SYNE2: variants seen among roughly 807,000 people sequenced by gnomAD.
The protein encoded by SYNE2 is spectrin repeat containing nuclear envelope protein 2.
SYNE2 carries 431 observed loss-of-function variants against 856.3 expected under a neutral mutation model. The ratio of observed to expected loss-of-function variants is 0.50; its 90% confidence interval spans 0.47 to 0.55. SYNE2 has a LOEUF of 0.55. SYNE2 is among the 20% of genes least tolerant of loss of function. SYNE2 has a pLI of 0.00. For missense variants in SYNE2, 8,129 were observed against 8,023.2 expected, an observed-to-expected ratio of 1.01 and a Z score of -0.50; for synonymous variants, 2,923 against 2,872.3, an observed-to-expected ratio of 1.02 and a Z score of -0.56.
chr14:64,137,647 G>T, intron 78 of SYNE2, 140 bp from the exon 79 acceptor site: 1 of 871,538 alleles, frequency 1.1e-6, no homozygotes, highest in Non-Finnish European at 1.8e-6. Flanking sequence ...CATCCAGTCA[G>T]ACTATATAGT....
intron 1 of SYNE2, among the ~76,000 whole-genome samples, chr14:63,787,893 C>G (rs1177492020): frequency 6.6e-6 from 1 of 152,190 alleles, no homozygotes; most frequent in African/African-American, 2.4e-5. Context: ...TGCCCAGGAG[C>G]CTGTCTGCAT....
At chr14:63,979,105 T>G in intron 14 of SYNE2, 91 bp downstream of exon 14, 2 of 1,368,904 alleles carry the variant, frequency 1.5e-6, no homozygotes, top group Non-Finnish European at 2.1e-6. Flanking sequence ...CATTAACTCT[T>G]CGGGTTTTGA....
rs1373665668 is a variant in SYNE2 at position 64,119,409 on chromosome 14, A to G, written c.12841-18A>G. On this transcript the variant is annotated intron_variant, in intron 66 of 115. Transcript: ENST00000555002. ...TCAAGAACAACATTATGAATAATTAAATGCTTTTATTTCCTAGGCTATGCT... is the reference window on the plus strand; with the variant it reads ...TCAAGAACAACATTATGAATAATTAGATGCTTTTATTTCCTAGGCTATGCT... The G allele has an allele frequency of 6.2e-7, 1 of 1,613,950 alleles. No individual in the cohort carries two copies. Among genetic ancestry groups the G allele is most frequent in the Admixed American group, 1.7e-5 (1 of 60,018 alleles).
intron 1 of SYNE2, among the ~76,000 whole-genome samples, chr14:63,823,958 C>G (rs1037842831): frequency 2.0e-5 from 3 of 151,790 alleles, no homozygotes; most frequent in Non-Finnish European, 4.4e-5. Context: ...TTAGTGGATA[C>G]AAAAAAATAG....
chr14:63,778,921 C>T (rs545014644), intron 1 of SYNE2, among the ~76,000 whole-genome samples: 19,648 of 58,014 alleles, frequency 0.34, 1,627 homozygotes, highest in South Asian at 0.41. Flanking sequence ...TTGGGAGTCT[C>T]CCAAAGTAGC....
Position 63,842,327 on chromosome 14 carries a change from T to G in SYNE2, c.-304-10174T>G, listed in dbSNP as rs560559761. On this transcript the variant is annotated intron_variant, in intron 1 of 23. Transcript: ENST00000674003. ...GCTGGGATCACAGGCTAATTTTGTA[T>G]TTTTAGTAGAGACAGGGTTTTGCCA... Among the ~76,000 whole-genome samples, 17 of 152,000 alleles carry G rather than the reference T, an allele frequency of 1.1e-4. No individual in the cohort carries two copies. In the South Asian group the frequency reaches 3.5e-3, roughly 32 times the overall value.
chr14:63,957,639 C>A (rs536444712), intron 8 of SYNE2, among the ~76,000 whole-genome samples: 1 of 151,736 alleles, frequency 6.6e-6, no homozygotes, highest in Non-Finnish European at 1.5e-5. Context: ...GAGTCTGAGG[C>A]GGGCGGATCA....
Position 64,141,523 on chromosome 14 carries a change from G to C in SYNE2, c.15159G>C (p.Gln5053His), listed in dbSNP as rs1467298746. The C allele has an allele frequency of 1.9e-6, 3 of 1,613,762 alleles. No homozygotes were observed. In the South Asian group the frequency reaches 3.3e-5, roughly 18 times the overall value. ...QLPDIQEKLH[Q>H]LQMEKLPSRK... ...CAGATATTCAAGAAAAACTTCACCAGGTAAGTCTTTAGAGCCTCAGCATTT... is the reference window on the plus strand; with the variant it reads ...CAGATATTCAAGAAAAACTTCACCACGTAAGTCTTTAGAGCCTCAGCATTT... The change falls in exon 81 of 116, where the codon CAG (glutamine) becomes CAC (histidine). Residue 5053 changes from glutamine to histidine, a missense_variant and splice_region_variant. By Grantham distance (24) the Gln-to-His change is conservative. Transcript: ENST00000555002.
chr14:64,122,012 G>C lies in SYNE2; in HGVS notation c.13159G>C (p.Val4387Leu), dbSNP rs764515386. 5.6e-6 allele frequency: 9 copies of C among 1,613,248 alleles called. No homozygotes were observed. Among genetic ancestry groups the C allele is most frequent in the Non-Finnish European group, 7.6e-6 (9 of 1,179,958 alleles). Residue 4387 changes from valine (V) to leucine (L), a missense_variant and splice_region_variant, in exon 69 of 116, where the codon GTT becomes CTT. Coordinates refer to ENST00000555002, the MANE Select transcript of SYNE2 (RefSeq NM_182914.3). The part of the protein sequence containing the change: ...SRQKDFQQQQ[V>L]LELKPMEQKD... ...CCATTTGAATCTCATTCAATTACAGGTTCTGGAGTTAAAACCAATGGAACA... is the reference window on the plus strand; with the variant it reads ...CCATTTGAATCTCATTCAATTACAGCTTCTGGAGTTAAAACCAATGGAACA...
chr14:63,903,167 A>G (rs1203914663), intron 1 of SYNE2, among the ~76,000 whole-genome samples: 2 of 152,206 alleles, frequency 1.3e-5, no homozygotes, highest in African/African-American at 2.4e-5. Flanking sequence ...AATGTCATCA[A>G]TAAGTCTCTT....
intron 57 of SYNE2, among the ~76,000 whole-genome samples, chr14:64,085,233 T>G (rs2097552130): frequency 6.6e-6 from 1 of 152,204 alleles, no homozygotes; most frequent in Non-Finnish European, 1.5e-5. Context: ...CAACCATGCC[T>G]GGCTAATTTC....
At chr14:64,128,671 A>G in intron 74 of SYNE2, 118 bp downstream of exon 74, 1 of 713,920 alleles carries the variant, frequency 1.4e-6, no homozygotes, top group Non-Finnish European at 2.6e-6. Context: ...GTAAATAAAT[A>G]AAAAATGAGA....
At chr14:64,140,869 C>T (rs181009789) in intron 80 of SYNE2, among the ~76,000 whole-genome samples, 3 of 151,402 alleles carry the variant, frequency 2.0e-5, no homozygotes, top group East Asian at 1.9e-4. Flanking sequence ...ATTTATGAAA[C>T]GTAGTCTTTT....
chr14:63,993,581 A>T (rs1271784030), intron 21 of SYNE2, among the ~76,000 whole-genome samples: 1 of 152,212 alleles, frequency 6.6e-6, no homozygotes, highest in Non-Finnish European at 1.5e-5. Context: ...AGGTATCTTA[A>T]TCTGGGCCTT....
rs190988205 is a variant in SYNE2, at chr14:64,082,506, T to C, written c.11484+926T>C. Among the ~76,000 whole-genome samples the C allele has an allele frequency of 1.5e-3, 226 of 152,302 alleles. 1 individual carries two copies. Among genetic ancestry groups the C allele is most frequent in the Admixed American group, 0.011 (165 of 15,306 alleles). On this transcript the variant is annotated intron_variant, in intron 57 of 115. Transcript: ENST00000555002. ...AAGCGGCTATATTGTCAGAGGGCCA[T>C]GGAGCTAGGGCCCAAAGGCTTTTTC... is the stretch of plus-strand genomic sequence containing the variant.
rs1381879780 is a variant in SYNE2 at position 64,158,598 on chromosome 14, A to G, written c.15793-27A>G. On this transcript the variant is annotated intron_variant, in intron 85 of 115. Transcript: ENST00000555002. ...GCATGTCTTCTCAGTGATTTTCTAAATCAGTACGTTTCCACTTTTTGTCTA... is the reference window on the plus strand; with the variant it reads ...GCATGTCTTCTCAGTGATTTTCTAAGTCAGTACGTTTCCACTTTTTGTCTA... The G allele has an allele frequency of 1.9e-6, 3 of 1,613,056 alleles. No homozygotes were observed. The African/African-American group carries it at 4.0e-5, about 22-fold the overall frequency.
chr14:63,982,502 A>G (rs2096593229), intron 16 of SYNE2, 128 bp from the exon 17 acceptor site: 1 of 908,984 alleles, frequency 1.1e-6, no homozygotes, highest in Non-Finnish European at 1.6e-6. Flanking sequence ...CCTGGGCAAC[A>G]GAGCAAGACT....
intron 49 of SYNE2, among the ~76,000 whole-genome samples, chr14:64,062,022 T>A (rs568654108): frequency 6.6e-6 from 1 of 152,318 alleles, no homozygotes; most frequent in East Asian, 1.9e-4. Context: ...TGATATAGAG[T>A]TTTTAGTTAC....
chr14:63,853,957 A>T (rs1381572388), intron 1 of SYNE2, among the ~76,000 whole-genome samples: 1 of 152,098 alleles, frequency 6.6e-6, no homozygotes, highest in South Asian at 2.1e-4. Flanking sequence ...TGCTGCTGGG[A>T]ACATTAGCGC....
Sources: allele counts gnomAD v4.1 joint callset (sites outside exome capture counted in the v4.1 genomes callset), GRCh38; gene constraint gnomAD v4.1.1; transcripts MANE v1.5; gene names NCBI Gene and HGNC (gene_info 2026-07-23, HGNC 2026-07-21).